ATP7A: variants seen among roughly 807,000 people sequenced by gnomAD.
ATP7A encodes ATPase copper transporting alpha, also known as copper-transporting ATPase 1.
ATP7A carries 7 observed loss-of-function variants against 83.5 expected under a neutral mutation model. That is an observed-to-expected ratio of 0.08 (90% CI 0.05 to 0.16). ATP7A has a LOEUF of 0.16. ATP7A is among the 10% of genes least tolerant of loss of function. ATP7A has a pLI of 1.00. For missense variants in ATP7A, 940 were observed against 1,120.8 expected (o/e 0.84, Z 2.30); for synonymous variants, 354 against 395.2 (o/e 0.90, Z 1.24).
chrX:77,995,096 G>C (rs1375256865), intron 4 of ATP7A, among the ~76,000 whole-genome samples: 2 of 111,610 alleles, frequency 1.8e-5, no homozygotes, highest in African/African-American at 6.5e-5. Context: ...CTGTGATTCT[G>C]CTAGAGATTA....
Position 77,932,919 on chromosome X carries a change from GGGGAGAGGGAGA to G in ATP7A, c.-22+22104_-22+22115del, listed in dbSNP as rs375922738. Among the ~76,000 whole-genome samples, 113 of 109,940 alleles carry G rather than the reference GGGGAGAGGGAGA, an allele frequency of 1.0e-3. 1 individual carries two copies. The highest frequency in any genetic ancestry group is 9.6e-4 in the Admixed American group (10 of 10,400). On this transcript the variant is annotated intron_variant, in intron 1 of 22. Transcript: ENST00000341514. ...GGAAAGAGAGGGAGAGGGGGACCGT[GGGGAGAGGGAGA>G]GGGAGAGGGAGAGGGAGAGAGCAGG...
chrX:77,958,851 T>C lies in ATP7A; in HGVS notation c.-21-12770T>C, dbSNP rs1192451332. On this transcript the variant is annotated intron_variant, in intron 1 of 22. Coordinates refer to ENST00000341514, the MANE Select transcript of ATP7A (RefSeq NM_000052.7). ...TCACCCAGGCTGGAATGCAATGGCA[T>C]GATCTCAGCTCACTGCAACCTCTGC... 2.5e-4 allele frequency among the ~76,000 whole-genome samples: 26 copies of C among 102,271 alleles called. 1 individual carries two copies. The highest frequency in any genetic ancestry group is 1.6e-3 in the South Asian group (3 of 1,909). The allele number at this position is 102,271 out of a possible 115,157, so 88.8% of individuals were successfully genotyped here. A position where few individuals can be genotyped will look rare whatever the true frequency, so the allele number is the denominator to read the frequency against.
intron 1 of ATP7A, among the ~76,000 whole-genome samples, chrX:77,922,308 C>T (rs1275455036): frequency 1.8e-5 from 2 of 110,423 alleles, no homozygotes; most frequent in African/African-American, 6.6e-5. Context: ...AGTTTGAGAC[C>T]AGCCTGGGCA....
At chrX:77,938,756 A>C (rs1397248912) in intron 1 of ATP7A, among the ~76,000 whole-genome samples, 2 of 112,388 alleles carry the variant, frequency 1.8e-5, no homozygotes, top group Non-Finnish European at 3.8e-5. Flanking sequence ...TAAGAGTACT[A>C]CCAGGATTAT....
At chrX:77,933,578 T>G (rs1399389226) in intron 1 of ATP7A, among the ~76,000 whole-genome samples, 2 of 112,368 alleles carry the variant, frequency 1.8e-5, no homozygotes, top group Non-Finnish European at 3.8e-5. Context: ...TAATGAGATA[T>G]CTTGGGGATG....
intron 1 of ATP7A, chrX:77,963,398 TGAAAA>T (rs1409592596): frequency 1.8e-5 from 2 of 112,151 alleles, no homozygotes; most frequent in African/African-American, 6.5e-5. Flanking sequence ...AAATGTTTAT[TGAAAA>T]GAAGAGTTGA....
chrX:77,994,635 G>A (rs931067720), intron 4 of ATP7A, among the ~76,000 whole-genome samples: 12 of 110,565 alleles, frequency 1.1e-4, no homozygotes, highest in Non-Finnish European at 2.1e-4. Context: ...AATTTCCGGG[G>A]CTTAAGCGAT....
intron 1 of ATP7A, among the ~76,000 whole-genome samples, chrX:77,934,229 C>T (rs1259599169): frequency 9.0e-6 from 1 of 110,579 alleles, no homozygotes; most frequent in African/African-American, 3.3e-5. Context: ...GCCTGGGCAA[C>T]ATAGCAAGAC....
At chrX:77,916,222 G>A (rs1557222513) in intron 1 of ATP7A, among the ~76,000 whole-genome samples, 1 of 109,176 alleles carries the variant, frequency 9.2e-6, no homozygotes, top group Admixed American at 9.8e-5. Flanking sequence ...AGGTGTGGTG[G>A]CATGCGCCTA....
chrX:78,008,824 C>T (rs782668517), intron 6 of ATP7A, among the ~76,000 whole-genome samples: 2 of 109,117 alleles, frequency 1.8e-5, no homozygotes, highest in South Asian at 8.1e-4. Context: ...ACCAGCCTGG[C>T]CAACATGGTG....
intron 9 of ATP7A, 74 bp downstream of exon 9, chrX:78,011,748 C>A: frequency 1.0e-6 from 1 of 976,720 alleles, no homozygotes; most frequent in South Asian, 1.9e-5. Context: ...GGTTTATTTT[C>A]AGCTACAAAA....
chrX:77,969,707 C>G, intron 1 of ATP7A: 1 of 1,157,712 alleles, frequency 8.6e-7, no homozygotes, highest in Non-Finnish European at 1.2e-6. Context: ...GCTGAAAATT[C>G]TTTTTCCCAC....
rs1400883284 is a variant in ATP7A at position 77,930,217 on chromosome X, A to G, written c.-22+19382A>G. Among the ~76,000 whole-genome samples the G allele has an allele frequency of 4.5e-5, 5 of 111,612 alleles. No homozygotes were observed. The East Asian group carries it at 1.1e-3, about 25-fold the overall frequency. On this transcript the variant is annotated intron_variant, in intron 1 of 22. Transcript: ENST00000341514. ...ATAAGGGAAATGTTTTAAAAACTGA[A>G]CAGGAAGGGATTGGACCTCTTAGTT...
Position 78,014,648 on chromosome X carries a change from GT to G in ATP7A, c.2407-10del. ...CTTCCTTAGCATTTTCAATGTGTTT[GT>G]TTTAATTTATAGGGCAAAACATCAG... On this transcript the variant is annotated splice_polypyrimidine_tract_variant and intron_variant, in intron 10 of 22. Coordinates refer to ENST00000341514, the MANE Select transcript of ATP7A (RefSeq NM_000052.7). The G allele has an allele frequency of 9.3e-6, 11 of 1,187,158 alleles. No homozygotes were observed. The highest frequency in any genetic ancestry group is 1.3e-5 in the Non-Finnish European group (11 of 875,030).
At position 78,011,507 on chromosome X, in the gene ATP7A, A is replaced by T; in HGVS notation, c.2005A>T (p.Ile669Leu). Residue 669 changes from isoleucine (I) to leucine (L), a missense_variant, in exon 9 of 23, where the codon ATA becomes TTA. Coordinates refer to ENST00000341514, the MANE Select transcript of ATP7A (RefSeq NM_000052.7). ...CTGTATTCCTGTAATGGGGCTGATG[A>T]TATATATGATGGTTATGGACCACCA... ...FFCIPVMGLMIYMMVMDHHFA... is the reference protein window; with the variant it reads ...FFCIPVMGLMLYMMVMDHHFA... The T allele has an allele frequency of 8.3e-7, 1 of 1,210,867 alleles. No homozygotes were observed. The highest frequency in any genetic ancestry group is 1.7e-5 in the African/African-American group (1 of 57,659).
intron 1 of ATP7A, among the ~76,000 whole-genome samples, chrX:77,922,242 C>T (rs1423687825): frequency 4.5e-5 from 5 of 111,525 alleles, no homozygotes; most frequent in African/African-American, 6.5e-5. Flanking sequence ...TGGTGGCTCA[C>T]GCCTGTAATC....
intron 1 of ATP7A, among the ~76,000 whole-genome samples, chrX:77,932,449 C>A (rs1176627625): frequency 9.1e-6 from 1 of 109,739 alleles, no homozygotes; most frequent in Non-Finnish European, 1.9e-5. Context: ...CGGCTCCTCA[C>A]GTCCCAGACG....
At chrX:78,044,272 A>AAAT (rs1249175805) in intron 21 of ATP7A, among the ~76,000 whole-genome samples, 1 of 109,237 alleles carries the variant, frequency 9.2e-6, no homozygotes, top group East Asian at 2.9e-4. Context: ...AAAAAAAAAA[A>AAAT]AAATTCATAC....
In ATP7A at chrX:77,969,749, C is replaced by G. The variant is rs1283393426; in HGVS notation, c.-21-1872C>G. Reference sequence around the variant, plus strand: ...TCCCTAACCACTCATTTCCCCTCACCAGAGGAACCACTGTTTCCATGGGAT... The same window carrying G: ...TCCCTAACCACTCATTTCCCCTCACGAGAGGAACCACTGTTTCCATGGGAT... On this transcript the variant is annotated intron_variant, in intron 1 of 22. Transcript: ENST00000341514. The G allele has an allele frequency of 3.3e-6, 3 of 918,347 alleles. No homozygotes were observed. In the African/African-American group the frequency reaches 5.9e-5, roughly 18 times the overall value. 75.7% of individuals were successfully genotyped at this position (918,347 alleles called of 1,213,427 possible).
Sources: gnomAD v4.1 joint callset for allele counts (sites outside exome capture counted in the v4.1 genomes callset) on GRCh38, gnomAD v4.1.1 for gene constraint, MANE v1.5 for transcripts, NCBI Gene and HGNC (gene_info 2026-07-23, HGNC 2026-07-21) for gene names.